Variants in PCDHGA10 observed in about 807,000 individuals in gnomAD.
The protein encoded by PCDHGA10 is protocadherin gamma subfamily A, 10, also known as protocadherin gamma-A10.
A neutral mutation model predicts 59.5 loss-of-function variants in PCDHGA10; 42 were observed. The ratio of observed to expected loss-of-function variants is 0.71; its 90% CI spans 0.55 to 0.91. The LOEUF (loss-of-function observed/expected upper bound fraction) is 0.91, where lower values mean the gene tolerates loss of function less well. PCDHGA10 is among the 40% of genes least tolerant of loss of function. The pLI is 0.00. For synonymous variants in PCDHGA10, 511 were observed against 517.2 expected, an observed-to-expected ratio of 0.99 and a Z score of 0.16; for missense variants, 1,111 against 1,198.2, an observed-to-expected ratio of 0.93 and a Z score of 1.07.
chr5:141,476,738 C>T lies in PCDHGA10; in HGVS notation c.2437-18069C>T. 6.2e-7 allele frequency: 1 copy of T among 1,614,076 alleles called. No individual in the cohort carries two copies. The highest frequency in any genetic ancestry group is 2.2e-5 in the East Asian group (1 of 44,880). On this transcript the variant is annotated intron_variant, in intron 1 of 3. Transcript: ENST00000398610. This position sits in a 1 kb window ranked among gnomAD's most constrained non-coding sequence, Gnocchi z 7.6. Reference sequence around the variant, plus strand: ...GCGCGCCCTGGACCGAGAACGGGAGCCTAGTCTCCAGTTAGTGCTGACGGC... The same window carrying T: ...GCGCGCCCTGGACCGAGAACGGGAGTCTAGTCTCCAGTTAGTGCTGACGGC...
rs141151122 is a variant in PCDHGA10, at chr5:141,491,445, C to T, written c.2437-3362C>T. ...GAGGGCAGTGCTGCAGGCGCCAGGA[C>T]TCACCCTCCCCGGACTTCTATAAGC... is the stretch of plus-strand genomic sequence containing the variant. On this transcript the variant is annotated intron_variant, in intron 1 of 3. Transcript: ENST00000398610. This position sits in a 1 kb window ranked among gnomAD's most constrained non-coding sequence, Gnocchi z 6.9. 1 of 1,614,112 alleles carries T rather than the reference C, an allele frequency of 6.2e-7. No individual in the cohort carries two copies. The highest frequency in any genetic ancestry group is 8.5e-7 in the Non-Finnish European group (1 of 1,180,032).
intron 1 of PCDHGA10, chr5:141,428,269 C>T (rs1326212294): frequency 1.3e-6 from 1 of 777,738 alleles, no homozygotes; most frequent in Non-Finnish European, 2.2e-6. Flanking sequence ...CAGTCCTGTG[C>T]CCTCTGATTC....
chr5:141,457,891 T>C (rs2154566084), intron 1 of PCDHGA10, among the ~76,000 whole-genome samples: 1 of 152,346 alleles, frequency 6.6e-6, no homozygotes, highest in South Asian at 2.1e-4. Context: ...GTGTGGGGAC[T>C]GTGTAGACAA....
intron 1 of PCDHGA10, chr5:141,478,153 T>G (rs1477175391): frequency 3.1e-6 from 5 of 1,613,934 alleles, no homozygotes; most frequent in Middle Eastern, 1.6e-4. Flanking sequence ...AGTTCCCCTC[T>G]GGCTCTGCCC....
chr5:141,432,117 C>T lies in PCDHGA10; in HGVS notation c.2436+16506C>T, dbSNP rs761106133. The T allele has an allele frequency of 3.9e-5, 63 of 1,614,062 alleles. No individual in the cohort carries two copies. Among genetic ancestry groups the T allele is most frequent in the Non-Finnish European group, 4.2e-5 (50 of 1,180,048 alleles). On this transcript the variant is annotated intron_variant, in intron 1 of 3. Transcript: ENST00000398610. The surrounding 1 kb of genome is among the most constrained non-coding windows in gnomAD (Gnocchi z 6.0). ...ACCAACGACAACCCGCCGGTCTTCC[C>T]TCAGGCCTCCTATTCCGCTTATATC...
At chr5:141,446,221 T>C (rs2098493855) in intron 1 of PCDHGA10, among the ~76,000 whole-genome samples, 1 of 152,164 alleles carries the variant, frequency 6.6e-6, no homozygotes, top group African/African-American at 2.4e-5. Flanking sequence ...AATATTGTTG[T>C]GTTGCCTGGC....
chr5:141,432,178 T>C lies in PCDHGA10; in HGVS notation c.2436+16567T>C. Reference sequence around the variant, plus strand: ...ATCCCAGAGGAGTTTCCCTCGTCTCTGTGACCGCCCACGACCCCGACTGTG... The same window carrying C: ...ATCCCAGAGGAGTTTCCCTCGTCTCCGTGACCGCCCACGACCCCGACTGTG... On this transcript the variant is annotated intron_variant, in intron 1 of 3. Transcript: ENST00000398610. The surrounding 1 kb of genome is among the most constrained non-coding windows in gnomAD (Gnocchi z 6.0). 6.2e-7 allele frequency: 1 copy of C among 1,614,184 alleles called. No individual in the cohort carries two copies. The highest frequency in any genetic ancestry group is 8.5e-7 in the Non-Finnish European group (1 of 1,180,036).
At chr5:141,420,692 A>G (rs2096518268) in intron 1 of PCDHGA10, among the ~76,000 whole-genome samples, 1 of 152,228 alleles carries the variant, frequency 6.6e-6, no homozygotes, top group Admixed American at 6.5e-5. Context: ...GGACCGTATT[A>G]TTTCCACTTC....
intron 1 of PCDHGA10, among the ~76,000 whole-genome samples, chr5:141,450,397 C>T (rs529143168): frequency 6.6e-6 from 1 of 152,300 alleles, no homozygotes; most frequent in South Asian, 2.1e-4. Flanking sequence ...TTTGTAAAGA[C>T]TAGAAGCCAT....
At chr5:141,502,008 C>T (rs753492460) in intron 2 of PCDHGA10, among the ~76,000 whole-genome samples, 6 of 152,086 alleles carry the variant, frequency 3.9e-5, no homozygotes, top group Non-Finnish European at 8.8e-5. Context: ...AACCCGCATG[C>T]TCTCCTCCCT....
At chr5:141,472,980 C>CAA (rs60579131) in intron 1 of PCDHGA10, among the ~76,000 whole-genome samples, 188 of 86,094 alleles carry the variant, frequency 2.2e-3, no homozygotes, top group Non-Finnish European at 3.2e-3. Flanking sequence ...GAGTGAAACT[C>CAA]AAAAAAAAAA....
Position 141,419,438 on chromosome 5 carries a change from A to G in PCDHGA10, c.2436+3827A>G, listed in dbSNP as rs764801455. On this transcript the variant is annotated intron_variant, in intron 1 of 3. Coordinates refer to ENST00000398610, the MANE Select transcript of PCDHGA10 (RefSeq NM_018913.3). ...CGCCTTCGACCACGAGCAGCTGCGC[A>G]CCTTCGAGCTCACGCTGCAGGCCCG... 8 of 1,613,138 alleles carry G rather than the reference A, an allele frequency of 5.0e-6. No homozygotes were observed. The highest frequency in any genetic ancestry group is 4.4e-5 in the South Asian group (4 of 91,044).
At position 141,414,538 on chromosome 5, in the gene PCDHGA10, A is replaced by C; in HGVS notation, c.1363A>C (p.Thr455Pro). 1.2e-6 allele frequency: 2 copies of C among 1,613,882 alleles called. No homozygotes were observed. The highest frequency in any genetic ancestry group is 1.7e-6 in the Non-Finnish European group (2 of 1,179,876). The change falls in exon 1 of 4, where the codon ACC becomes CCC. Residue 455 changes from threonine to proline, a missense_variant. Physicochemically the swap from Thr to Pro is conservative, Grantham distance 38 (BLOSUM62 -1). Transcript: ENST00000398610. ...GGCAGATATCAATGACAACCCACCTACCTTCTCTCAAGTCTCCTACTTTAC... is the reference window on the plus strand; with the variant it reads ...GGCAGATATCAATGACAACCCACCTCCCTTCTCTCAAGTCTCCTACTTTAC... The part of the protein sequence containing the change: ...QVADINDNPP[T>P]FSQVSYFTYI...
At chr5:141,509,805 G>A (rs150684746) in intron 3 of PCDHGA10, among the ~76,000 whole-genome samples, 2 of 152,248 alleles carry the variant, frequency 1.3e-5, no homozygotes, top group Middle Eastern at 3.4e-3. Flanking sequence ...GCTTCATAGA[G>A]CCGAGCTCTT....
chr5:141,449,842 A>G (rs893220311), intron 1 of PCDHGA10, among the ~76,000 whole-genome samples: 4 of 151,700 alleles, frequency 2.6e-5, no homozygotes, highest in Non-Finnish European at 4.4e-5. Flanking sequence ...TTATATAATT[A>G]AATTTTAATA....
chr5:141,423,572 G>T (rs1239529114), intron 1 of PCDHGA10: 2 of 1,613,510 alleles, frequency 1.2e-6, no homozygotes, highest in African/African-American at 1.3e-5. Context: ...ACGCTCATCA[G>T]CCAGGAGAGC....
In PCDHGA10 at chr5:141,414,831, G is replaced by A. The variant is rs1230752323; in HGVS notation, c.1656G>A (p.Leu552=). The A allele has an allele frequency of 1.9e-6, 3 of 1,614,212 alleles. No homozygotes were observed. The highest frequency in any genetic ancestry group is 1.7e-5 in the Admixed American group (1 of 60,034). The part of the protein sequence containing the change: ...GDPPLSSNVS[L]SLFVLDQNDN... ...CTCCACTCAGCAGCAACGTGTCGTT[G>A]AGCCTGTTTGTGCTGGACCAGAACG... Residue 552 remains leucine (L), a synonymous_variant, in exon 1 of 4, where the codon TTG becomes TTA. Transcript: ENST00000398610.
chr5:141,422,734 T>A, intron 1 of PCDHGA10: 2 of 1,608,114 alleles, frequency 1.2e-6, no homozygotes, highest in Non-Finnish European at 1.7e-6. Context: ...GGTGCCTCTG[T>A]CCTCCTATGT....
At chr5:141,427,584 A>G in intron 1 of PCDHGA10, 1 of 674,672 alleles carries the variant, frequency 1.5e-6, no homozygotes, top group Non-Finnish European at 2.7e-6. Context: ...CTCATCCAGC[A>G]CAAGCCTCAC....
Sources: allele counts gnomAD v4.1 joint callset (sites outside exome capture counted in the v4.1 genomes callset), GRCh38; gene constraint gnomAD v4.1.1; non-coding constraint Gnocchi (gnomAD v3.1); transcripts MANE v1.5; gene names NCBI Gene and HGNC (gene_info 2026-07-23, HGNC 2026-07-21).